OXR1: variants seen among roughly 807,000 people sequenced by gnomAD.
OXR1 encodes the protein oxidation resistance protein 1.
A neutral mutation model predicts 104.6 loss-of-function variants in OXR1; 41 were observed. The ratio of observed to expected loss-of-function variants is 0.39; its 90% CI spans 0.31 to 0.51. OXR1 has a LOEUF of 0.51. Ranked by LOEUF, OXR1 falls within the 20% of genes least tolerant of loss-of-function variation. The probability of loss-of-function intolerance (pLI) is 0.77; values close to 1 mark genes in which losing one functional copy is unlikely to be tolerated. For synonymous variants in OXR1, 348 were observed against 348.4 expected, an observed-to-expected ratio of 1.00 and a Z score of 0.01; for missense variants, 955 against 1,031.9, an observed-to-expected ratio of 0.93 and a Z score of 1.02.
intron 3 of OXR1, among the ~76,000 whole-genome samples, chr8:106,650,356 C>A (rs1451200369): frequency 6.6e-6 from 1 of 152,190 alleles, no homozygotes; most frequent in African/African-American, 2.4e-5. Context: ...AGACTAAGGG[C>A]CCATGTTCTC....
rs753464847 is a variant in OXR1, at chr8:106,739,598, C to A, written c.2163+15C>A. 19 of 1,611,736 alleles carry A rather than the reference C, an allele frequency of 1.2e-5. No individual in the cohort carries two copies. Among genetic ancestry groups the A allele is most frequent in the Non-Finnish European group, 1.6e-5 (19 of 1,178,972 alleles). The stretch of plus-strand genomic sequence containing the variant: ...AAATTGAAAAGGTATGACATGCTCA[C>A]ATATGTGCATTTCTGAGTGTGAGTG... On this transcript the variant is annotated intron_variant, in intron 13 of 16. Transcript: ENST00000517566.
intron 3 of OXR1, among the ~76,000 whole-genome samples, chr8:106,520,744 C>G (rs1813195044): frequency 6.6e-6 from 1 of 152,244 alleles, no homozygotes; most frequent in African/African-American, 2.4e-5. Context: ...CTATCCTTCT[C>G]TCCTCTGCAA....
chr8:106,285,172 C>G (rs17380671), intron 1 of OXR1, among the ~76,000 whole-genome samples: 1,920 of 152,158 alleles, frequency 0.013, 47 homozygotes, highest in African/African-American at 0.044. Flanking sequence ...ATTTTGAGTC[C>G]CCATTTGATT....
intron 2 of OXR1, among the ~76,000 whole-genome samples, chr8:106,429,493 C>T (rs1172189156): frequency 6.6e-6 from 1 of 151,994 alleles, no homozygotes; most frequent in African/African-American, 2.4e-5. Context: ...AAACCTGTCT[C>T]TACTAAAATT....
At chr8:106,497,326 T>C (rs1811480622) in intron 2 of OXR1, among the ~76,000 whole-genome samples, 1 of 152,226 alleles carries the variant, frequency 6.6e-6, no homozygotes, top group African/African-American at 2.4e-5. Flanking sequence ...ATTCAATTAA[T>C]GGAGAAATAT....
At chr8:106,539,794 G>T (rs1353543034) in intron 3 of OXR1, among the ~76,000 whole-genome samples, 2 of 152,184 alleles carry the variant, frequency 1.3e-5, no homozygotes, top group Non-Finnish European at 2.9e-5. Context: ...TGGGACAGTG[G>T]TCCCTAGCGC....
At chr8:106,530,642 A>G (rs75388117) in intron 3 of OXR1, among the ~76,000 whole-genome samples, 6,803 of 152,316 alleles carry the variant, frequency 0.045, 178 homozygotes, top group Middle Eastern at 0.068. Context: ...TACTTTTACT[A>G]TAGTTAAAAA....
rs948910846 is a variant in OXR1 at position 106,350,374 on chromosome 8, T to C, written c.-138-9102T>C. On this transcript the variant is annotated intron_variant, in intron 1 of 16. Coordinates refer to ENST00000517566, the MANE Select transcript of OXR1 (RefSeq NM_001198533.2). Reference sequence around the variant, plus strand: ...TATTTAAAAGTTGCTGTAAGGTTCATAACTGTTTAGTTCTCTGGCTATGGT... The same window carrying C: ...TATTTAAAAGTTGCTGTAAGGTTCACAACTGTTTAGTTCTCTGGCTATGGT... Among the ~76,000 whole-genome samples the C allele has an allele frequency of 8.5e-5, 13 of 152,334 alleles. No individual in the cohort carries two copies. In the South Asian group the frequency reaches 1.9e-3, roughly 22 times the overall value.
chr8:106,319,777 A>AT (rs1438720133), intron 1 of OXR1, among the ~76,000 whole-genome samples: 1 of 152,134 alleles, frequency 6.6e-6, no homozygotes, highest in African/African-American at 2.4e-5. Context: ...GCGATTCTTT[A>AT]TTTTTCATAC....
At chr8:106,428,942 A>C (rs538742173) in intron 2 of OXR1, among the ~76,000 whole-genome samples, 1 of 152,144 alleles carries the variant, frequency 6.6e-6, no homozygotes, top group Admixed American at 6.5e-5. Context: ...GGGAACCCCC[A>C]CACCAATGCT....
At chr8:106,660,948 G>T (rs1376681495) in intron 3 of OXR1, among the ~76,000 whole-genome samples, 2 of 151,998 alleles carry the variant, frequency 1.3e-5, no homozygotes, top group Non-Finnish European at 2.9e-5. Context: ...AGGAGGCAAG[G>T]TTGCAGTGAG....
chr8:106,365,090 A>G (rs763007389), intron 2 of OXR1, among the ~76,000 whole-genome samples: 4 of 152,174 alleles, frequency 2.6e-5, no homozygotes, highest in African/African-American at 9.7e-5. Context: ...AAGGAGGAAA[A>G]GTCAGAATTT....
intron 3 of OXR1, among the ~76,000 whole-genome samples, chr8:106,625,304 A>G (rs1400493484): frequency 1.3e-5 from 2 of 152,188 alleles, no homozygotes; most frequent in Non-Finnish European, 2.9e-5. Context: ...CTGAGGCAAG[A>G]GAATTACTTG....
At position 106,692,716 on chromosome 8, in the gene OXR1, A is replaced by T; in HGVS notation, c.526-12A>T. 7.0e-7 allele frequency: 1 copy of T among 1,425,718 alleles called. No individual in the cohort carries two copies. The highest frequency in any genetic ancestry group is 2.6e-5 in the Admixed American group (1 of 38,794). 88.3% of individuals were successfully genotyped at this position (1,425,718 alleles called of 1,614,324 possible). Reference sequence around the variant, plus strand: ...TGCTTTTTTTTTTCTTTCCTTTAAAAAAAAAAAAAAGAATCCTGATGTCCA... The same window carrying T: ...TGCTTTTTTTTTTCTTTCCTTTAAATAAAAAAAAAAGAATCCTGATGTCCA... On this transcript the variant is annotated splice_polypyrimidine_tract_variant and intron_variant, in intron 6 of 16. Transcript: ENST00000517566.
At chr8:106,719,955 G>A (rs868729603) in intron 11 of OXR1, among the ~76,000 whole-genome samples, 37 of 152,004 alleles carry the variant, frequency 2.4e-4, no homozygotes, top group Middle Eastern at 3.2e-3. Context: ...ACAGGCGCCC[G>A]CCACCACGCC....
intron 3 of OXR1, among the ~76,000 whole-genome samples, chr8:106,526,778 C>T (rs1813716135): frequency 1.3e-5 from 2 of 152,194 alleles, no homozygotes; most frequent in African/African-American, 2.4e-5. Context: ...CTCCTGACTT[C>T]GTGATGCGCC....
chr8:106,518,323 A>T (rs1323654852), intron 2 of OXR1, among the ~76,000 whole-genome samples: 2 of 152,210 alleles, frequency 1.3e-5, no homozygotes, highest in Non-Finnish European at 1.5e-5. Context: ...ACCATCATTT[A>T]CAATGATTTG....
At chr8:106,341,195 A>G (rs1409426171) in intron 1 of OXR1, among the ~76,000 whole-genome samples, 6 of 152,088 alleles carry the variant, frequency 3.9e-5, no homozygotes, top group Non-Finnish European at 8.8e-5. Flanking sequence ...ATATCTTGGG[A>G]CTAAGGCTAC....
chr8:106,389,599 A>G (rs1586595002), intron 2 of OXR1, among the ~76,000 whole-genome samples: 1 of 152,202 alleles, frequency 6.6e-6, no homozygotes, highest in Non-Finnish European at 1.5e-5. Context: ...GTTAGTTTTT[A>G]AAGTAGAGAT....
Sources: gnomAD v4.1 joint callset for allele counts (sites outside exome capture counted in the v4.1 genomes callset) on GRCh38, gnomAD v4.1.1 for gene constraint, MANE v1.5 for transcripts, NCBI Gene and HGNC (gene_info 2026-07-23, HGNC 2026-07-21) for gene names.